PAWR: variants seen among roughly 807,000 people sequenced by gnomAD.
PAWR encodes pro-apoptotic WT1 regulator.
A neutral mutation model predicts 32.0 loss-of-function variants in PAWR; 23 were observed. The observed-to-expected ratio is 0.72, with a 90% CI of 0.52 to 1.02. PAWR has a LOEUF of 1.02. PAWR is among the 50% of genes least tolerant of loss of function. PAWR has a pLI of 0.00. For missense variants in PAWR, 457 were observed against 437.7 expected (o/e 1.04, Z -0.39); for synonymous variants, 226 against 187.1 (o/e 1.21, Z -1.70).
Position 79,588,868 on chromosome 12 carries a change from AC to A in PAWR, c.*3738del, listed in dbSNP as rs1175371091. The A allele has an allele frequency of 8.5e-5, 13 of 152,174 alleles. No homozygotes were observed. The highest frequency in any genetic ancestry group is 2.9e-4 in the African/African-American group (12 of 41,570). The allele number at this position is 152,174 out of a possible 1,614,324, so 9.4% of individuals were successfully genotyped here. ...TTAGTTCAAGTTTTTAAACTGGGAA[AC>A]AATCAACTTCCATATATCCAGGAGA... On this transcript the variant is annotated 3_prime_UTR_variant, in exon 7 of 7. Transcript: ENST00000328827.
At chr12:79,681,599 A>G (rs1196096823) in intron 2 of PAWR, among the ~76,000 whole-genome samples, 1 of 152,222 alleles carries the variant, frequency 6.6e-6, no homozygotes, top group Non-Finnish European at 1.5e-5. Flanking sequence ...CAAAAAAATA[A>G]GAATAGAAAC....
intron 2 of PAWR, chr12:79,668,236 G>A (rs1877707738): frequency 6.6e-6 from 1 of 152,138 alleles, no homozygotes; most frequent in Non-Finnish European, 1.5e-5. Context: ...TTTCAAGTTA[G>A]AAGAAAATGT....
chr12:79,690,131 G>T lies in PAWR; in HGVS notation c.114C>A (p.Gly38=). ...EKMRAKQNPP[G]PAPPGGGSSD... ...TGCTGCCCCCTCCCGGGGGGGCCGG[G>T]CCCGGGGGGTTCTGCTTGGCGCGCA... The change falls in exon 2 of 7, where the codon GGC becomes GGA. Residue 38 remains glycine, a synonymous_variant. Transcript: ENST00000328827. The T allele has an allele frequency of 5.9e-6, 9 of 1,513,026 alleles. No individual in the cohort carries two copies. The highest frequency in any genetic ancestry group is 7.1e-6 in the Non-Finnish European group (8 of 1,132,906). The allele number at this position is 1,513,026 out of a possible 1,614,324, so 93.7% of individuals were successfully genotyped here.
chr12:79,604,299 A>T (rs959576854), intron 4 of PAWR: 3 of 997,072 alleles, frequency 3.0e-6, no homozygotes, highest in Middle Eastern at 5.1e-4. Flanking sequence ...AGGGAAAAGA[A>T]ACAGTATCAT....
chr12:79,669,900 C>T (rs1877804700), intron 2 of PAWR, among the ~76,000 whole-genome samples: 1 of 152,010 alleles, frequency 6.6e-6, no homozygotes, highest in African/African-American at 2.4e-5. Context: ...GGGGTTTTGC[C>T]ATGTTGCCCA....
chr12:79,601,295 G>A (rs748318541), intron 4 of PAWR, among the ~76,000 whole-genome samples: 16 of 140,930 alleles, frequency 1.1e-4, no homozygotes, highest in Non-Finnish European at 1.5e-4. Flanking sequence ...ATAGCTCACT[G>A]TAAATTCAAA....
intron 2 of PAWR, among the ~76,000 whole-genome samples, chr12:79,683,658 G>C (rs550749198): frequency 2.2e-4 from 33 of 150,806 alleles, no homozygotes; most frequent in Admixed American, 4.6e-4. Flanking sequence ...TTAGATGACA[G>C]AGCTTTGCAG....
chr12:79,654,477 A>C (rs1337093071), intron 2 of PAWR, among the ~76,000 whole-genome samples: 1 of 152,068 alleles, frequency 6.6e-6, no homozygotes, highest in East Asian at 1.9e-4. Context: ...TAAATCAAAC[A>C]ACCAAAGCTC....
chr12:79,678,293 A>C (rs1396511649), intron 2 of PAWR, among the ~76,000 whole-genome samples: 1 of 152,262 alleles, frequency 6.6e-6, no homozygotes, highest in Non-Finnish European at 1.5e-5. Context: ...CCCAGTCAAC[A>C]ATACTGAACA....
chr12:79,674,233 C>A (rs1232889499), intron 2 of PAWR, among the ~76,000 whole-genome samples: 3 of 151,958 alleles, frequency 2.0e-5, no homozygotes, highest in Non-Finnish European at 4.4e-5. Flanking sequence ...GGTCAGAGAA[C>A]CCCAAAAATA....
Position 79,689,834 on chromosome 12 carries a change from G to GC in PAWR, c.410dup (p.Lys138GlnfsTer39). On this transcript the variant is annotated frameshift_variant, in exon 2 of 7. Transcript: ENST00000328827. LOFTEE classifies it high-confidence loss of function. ...TCCTGGCACTGGGGCCCGAGCTCTT[G>GC]CCCTTCTCTGGGACGCCGTCCGGCT... 1 of 1,592,604 alleles carries GC rather than the reference G, an allele frequency of 6.3e-7. No individual in the cohort carries two copies. Among genetic ancestry groups the GC allele is most frequent in the Non-Finnish European group, 8.5e-7 (1 of 1,170,728 alleles).
At chr12:79,640,951 T>C (rs1876295192) in intron 2 of PAWR, among the ~76,000 whole-genome samples, 1 of 152,178 alleles carries the variant, frequency 6.6e-6, no homozygotes, top group Non-Finnish European at 1.5e-5. Flanking sequence ...GGGAAATAAC[T>C]AAATTGTATA....
At chr12:79,647,284 TTTAAAG>T (rs1204037782) in intron 2 of PAWR, among the ~76,000 whole-genome samples, 2 of 152,134 alleles carry the variant, frequency 1.3e-5, no homozygotes, top group East Asian at 1.9e-4. Context: ...AAAGTTAAAC[TTTAAAG>T]TTAAACTATA....
chr12:79,644,262 A>G (rs942727947), intron 2 of PAWR, among the ~76,000 whole-genome samples: 1 of 152,204 alleles, frequency 6.6e-6, no homozygotes, highest in African/African-American at 2.4e-5. Flanking sequence ...AAATGTCTAC[A>G]TAAAACAAGT....
rs779433412 is a variant in PAWR, at chr12:79,689,891, C to T, written c.354G>A (p.Ser118=). The stretch of plus-strand genomic sequence containing the variant: ...CGTCACGCTGGGGCGGCGGTGCAGC[C>T]GAGGCAGAGGCGGCTGGGGGCTCGT... ...SEDEPPAASA[S]AAPPPQRDEE... The change falls in exon 2 of 7, where the codon TCG becomes TCA. Residue 118 remains serine (S), a synonymous_variant. Transcript: ENST00000328827. 1 of 1,528,150 alleles carries T rather than the reference C, an allele frequency of 6.5e-7. No individual in the cohort carries two copies. Among genetic ancestry groups the T allele is most frequent in the East Asian group, 2.6e-5 (1 of 38,456 alleles). The allele number at this position is 1,528,150 out of a possible 1,614,324, so 94.7% of individuals were successfully genotyped here.
intron 2 of PAWR, among the ~76,000 whole-genome samples, chr12:79,638,863 CATATATATATATATATATATAT>C (rs1555237600): frequency 3.7e-4 from 3 of 8,156 alleles, no homozygotes; most frequent in Non-Finnish European, 5.1e-4. Flanking sequence ...GAGATGGAGT[CATATATATATATATATATATAT>C]ATATATATAT....
At chr12:79,689,334 G>A (rs1878845975) in intron 2 of PAWR, among the ~76,000 whole-genome samples, 1 of 152,026 alleles carries the variant, frequency 6.6e-6, no homozygotes, top group Non-Finnish European at 1.5e-5. Context: ...ACTTCACATG[G>A]GCACGTGAGA....
chr12:79,610,197 C>T (rs1266381843), intron 4 of PAWR, among the ~76,000 whole-genome samples: 1 of 152,168 alleles, frequency 6.6e-6, no homozygotes, highest in Non-Finnish European at 1.5e-5. Context: ...ACTGAGGTAC[C>T]TGGTAGATGT....
chr12:79,640,293 C>G (rs896291202), intron 2 of PAWR, among the ~76,000 whole-genome samples: 6 of 152,058 alleles, frequency 3.9e-5, no homozygotes, highest in African/African-American at 1.2e-4. Flanking sequence ...CCTAAATCCT[C>G]CACTTCTCTC....
Sources: gnomAD v4.1 joint callset for allele counts (sites outside exome capture counted in the v4.1 genomes callset) on GRCh38, gnomAD v4.1.1 for gene constraint, MANE v1.5 for transcripts, NCBI Gene and HGNC (gene_info 2026-07-23, HGNC 2026-07-21) for gene names.